L3MBTL1: variants seen among roughly 807,000 people sequenced by gnomAD.
L3MBTL1 encodes the protein lethal(3)malignant brain tumor-like protein 1.
In L3MBTL1, 75 loss-of-function variants were observed where a neutral mutation model predicts 105.3. That is an observed-to-expected ratio of 0.71 (90% confidence interval 0.59 to 0.86). The LOEUF (loss-of-function observed/expected upper bound fraction) is 0.86. Among genes scored for constraint, L3MBTL1 ranks in the 40% least tolerant of loss-of-function variants. The pLI, the probability that L3MBTL1 is intolerant of heterozygous loss-of-function variation, is 0.00. For synonymous variants in L3MBTL1, 452 were observed against 436.2 expected (o/e 1.04, Z -0.45); for missense variants, 1,069 against 1,126.4 (o/e 0.95, Z 0.73).
At chr20:43,549,735 TG>T (rs1978866780) in exon 19 of L3MBTL1, 1 of 150,728 alleles carries the variant, frequency 6.6e-6, no homozygotes, top group African/African-American at 2.4e-5. Flanking sequence ...TGTGCATGTG[TG>T]TGTGTGTGTG....
intron 13 of L3MBTL1, 25 bp downstream of exon 13, chr20:43,533,443 C>A (rs1289722891): frequency 6.3e-7 from 1 of 1,599,864 alleles, no homozygotes; most frequent in African/African-American, 1.3e-5. Flanking sequence ...TGAGCAAGCC[C>A]CCTTTCCTAA....
intron 14 of L3MBTL1, 28 bp from the exon 15 acceptor site, chr20:43,534,256 G>A (rs1457435154): frequency 6.2e-7 from 1 of 1,604,168 alleles, no homozygotes; most frequent in South Asian, 1.1e-5. Flanking sequence ...GCTGCGCCTT[G>A]CCCTGAAGGC....
chr20:43,508,191 TCTC>T (rs1258112768), intron 1 of L3MBTL1, among the ~76,000 whole-genome samples: 89 of 149,852 alleles, frequency 5.9e-4, no homozygotes, highest in African/African-American at 2.1e-3. Flanking sequence ...TTTGTTTCTC[TCTC>T]TTTTTTTTTT....
intron 7 of L3MBTL1, among the ~76,000 whole-genome samples, chr20:43,519,336 C>CAAA (rs35982746): frequency 5.6e-5 from 5 of 90,030 alleles, no homozygotes; most frequent in Admixed American, 1.2e-4. Flanking sequence ...AACCCTGACT[C>CAAA]AAAAAAAAAA....
intron 9 of L3MBTL1, among the ~76,000 whole-genome samples, chr20:43,529,685 A>G (rs2019224978): frequency 6.6e-6 from 1 of 152,230 alleles, no homozygotes; most frequent in Non-Finnish European, 1.5e-5. Flanking sequence ...TCAGCCAAAT[A>G]AACATGTCAG....
chr20:43,514,434 G>A lies in L3MBTL1; in HGVS notation c.361-201G>A, dbSNP rs1037629386. ...GCTTAGAGTGGGGCACCCTGGGACT[G>A]GACCCCGCAGGTGCTTGGGGGCGTA... On this transcript the variant is annotated intron_variant, in intron 3 of 21. Coordinates refer to ENST00000418998, the MANE Select transcript of L3MBTL1 (RefSeq NM_001377303.1). 8 of 1,477,574 alleles carry A rather than the reference G, an allele frequency of 5.4e-6. No individual in the cohort carries two copies. The African/African-American group carries it at 9.8e-5, about 18-fold the overall frequency. 91.5% of individuals were successfully genotyped at this position (1,477,574 alleles called of 1,614,324 possible).
rs1433510302 is a variant in L3MBTL1, at chr20:43,536,108, C to T, written c.1937C>T (p.Thr646Ile). 1.2e-6 allele frequency: 2 copies of T among 1,613,286 alleles called. No homozygotes were observed. Among genetic ancestry groups the T allele is most frequent in the African/African-American group, 1.3e-5 (1 of 75,072 alleles). ...CTCTTCTTCCCCAGGAAGTGCCCCACTCCTGGTTGCGACGGCTCTGGCCAT... is the reference window on the plus strand; with the variant it reads ...CTCTTCTTCCCCAGGAAGTGCCCCATTCCTGGTTGCGACGGCTCTGGCCAT... The part of the protein sequence containing the change: ...KYSFHHRKCP[T>I]PGCDGSGHVT... The change falls in exon 18 of 22, where the codon ACT becomes ATT. Residue 646 changes from threonine (T) to isoleucine (I), a missense_variant. Coordinates refer to ENST00000418998, the MANE Select transcript of L3MBTL1 (RefSeq NM_001377303.1).
chr20:43,548,594 G>A (rs1245119204), exon 19 of L3MBTL1: 1 of 160,550 alleles, frequency 6.2e-6, no homozygotes, highest in Non-Finnish European at 1.4e-5. Context: ...GACTAGTAGA[G>A]CAGCAGTCCT....
chr20:43,524,970 G>A (rs1311440204), intron 7 of L3MBTL1, among the ~76,000 whole-genome samples: 1 of 152,092 alleles, frequency 6.6e-6, no homozygotes, highest in Non-Finnish European at 1.5e-5. Flanking sequence ...ATGTATTCTG[G>A]CAGTAGAATA....
rs2019905563 is a variant in L3MBTL1 at position 43,541,312 on chromosome 20, C to A, written c.*184C>A. ...GACAGTCTGGGTTTAAATCCCAGTT[C>A]TGTCAATTTGAGCTGTTTACTGTCT... On this transcript the variant is annotated 3_prime_UTR_variant, in exon 22 of 22. Coordinates refer to ENST00000418998, the MANE Select transcript of L3MBTL1 (RefSeq NM_001377303.1). 4 of 1,188,696 alleles carry A rather than the reference C, an allele frequency of 3.4e-6. No homozygotes were observed. Among genetic ancestry groups the A allele is most frequent in the African/African-American group, 3.1e-5 (2 of 64,752 alleles). The allele number at this position is 1,188,696 out of a possible 1,614,324, so 73.6% of individuals were successfully genotyped here. A position where few individuals can be genotyped will look rare whatever the true frequency, so the allele number is the denominator to read the frequency against.
At chr20:43,535,751 T>C in intron 16 of L3MBTL1, 86 bp from the exon 17 acceptor site, 1 of 812,016 alleles carries the variant, frequency 1.2e-6, no homozygotes, top group South Asian at 1.8e-5. Context: ...CTAGTGCTGA[T>C]CTCCCCAGTG....
At chr20:43,514,265 G>T in intron 3 of L3MBTL1, 1 of 772,630 alleles carries the variant, frequency 1.3e-6, no homozygotes, top group African/African-American at 1.8e-5. Context: ...GGCGTGGCTT[G>T]GAGTGAGGCA....
intron 7 of L3MBTL1, among the ~76,000 whole-genome samples, chr20:43,519,486 A>G (rs2018593382): frequency 6.6e-6 from 1 of 152,000 alleles, no homozygotes; most frequent in Non-Finnish European, 1.5e-5. Flanking sequence ...AAAATACAAA[A>G]TTAGCCAGGC....
rs1278301628 is a variant in L3MBTL1 at position 43,536,150 on chromosome 20, C to T, written c.1979C>T (p.Thr660Ile). The T allele has an allele frequency of 1.2e-6, 2 of 1,613,792 alleles. No individual in the cohort carries two copies. Among genetic ancestry groups the T allele is most frequent in the South Asian group, 1.1e-5 (1 of 91,070 alleles). The change falls in exon 18 of 22, where the codon ACA (threonine) becomes ATA (isoleucine). Residue 660 changes from threonine to isoleucine, a missense_variant. By Grantham distance (89) the Thr-to-Ile change is moderately conservative. Transcript: ENST00000418998. Reference sequence around the variant, plus strand: ...TCTGGCCATGTCACAGGCAAGTTCACAGCTCACCATTGCCTCTCAGGCTGC... The same window carrying T: ...TCTGGCCATGTCACAGGCAAGTTCATAGCTCACCATTGCCTCTCAGGCTGC... ...DGSGHVTGKF[T>I]AHHCLSGCPL...
chr20:43,514,193 G>C, intron 3 of L3MBTL1, 132 bp downstream of exon 3: 1 of 862,174 alleles, frequency 1.2e-6, no homozygotes, highest in Non-Finnish European at 1.8e-6. Context: ...GGTGGGCTTT[G>C]AGTGAGGGAC....
chr20:43,540,434 TCCTGTGCACAGTC>T, intron 20 of L3MBTL1, 126 bp downstream of exon 20: 1 of 1,107,628 alleles, frequency 9.0e-7, no homozygotes, highest in Non-Finnish European at 1.3e-6. Context: ...TGCTCATCTG[TCCTGTGCACAGTC>T]CCTTCTAGCT....
chr20:43,513,011 C>T (rs969062340), intron 1 of L3MBTL1, among the ~76,000 whole-genome samples: 1 of 152,186 alleles, frequency 6.6e-6, no homozygotes, highest in Non-Finnish European at 1.5e-5. Context: ...AAGATGAACC[C>T]TGTATGGGTG....
chr20:43,514,918 C>A, intron 4 of L3MBTL1, 91 bp from the exon 5 acceptor site: 1 of 1,509,372 alleles, frequency 6.6e-7, no homozygotes, highest in Non-Finnish European at 9.0e-7. Context: ...GGAGATGGAC[C>A]GAGGCGGAGG....
At chr20:43,515,483 CCAT>C (rs2018342130) in intron 6 of L3MBTL1, 68 bp downstream of exon 6, 2 of 1,511,298 alleles carry the variant, frequency 1.3e-6, no homozygotes, top group Non-Finnish European at 1.8e-6. Context: ...ACTGTCCCCT[CCAT>C]CAATCCAGAT....
Sources: allele counts gnomAD v4.1 joint callset (sites outside exome capture counted in the v4.1 genomes callset), GRCh38; gene constraint gnomAD v4.1.1; transcripts MANE v1.5; gene names NCBI Gene and HGNC (gene_info 2026-07-23, HGNC 2026-07-21).